The following STPG2 variants were observed in gnomAD, a reference collection of about 807,000 sequenced individuals.
STPG2 encodes the protein sperm-tail PG-rich repeat-containing protein 2.
Under a neutral mutation model 54.2 loss-of-function variants are expected in STPG2, and 56 were observed. That is an observed-to-expected ratio of 1.03 (90% CI 0.83 to 1.29). STPG2 has a LOEUF of 1.29. Ranked by LOEUF, STPG2 falls within the 50% of genes most tolerant of loss-of-function variation. STPG2 has a pLI of 0.00. For missense variants in STPG2, 596 were observed against 544.9 expected (o/e 1.09, Z -0.93); for synonymous variants, 200 against 181.8 (o/e 1.10, Z -0.81).
intron 4 of STPG2, among the ~76,000 whole-genome samples, chr4:97,521,127 C>A (rs548826103): frequency 6.6e-6 from 1 of 152,012 alleles, no homozygotes. Context: ...CAGTATATTG[C>A]AAAGAATAAA....
chr4:98,020,160 T>C (rs1274534375), intron 5 of STPG2, among the ~76,000 whole-genome samples: 2 of 132,224 alleles, frequency 1.5e-5, no homozygotes, highest in East Asian at 2.1e-4. Flanking sequence ...GGGTTTGTCA[T>C]AGATAGCTCT....
intron 10 of STPG2, among the ~76,000 whole-genome samples, chr4:97,677,717 T>A (rs1722893114): frequency 6.6e-6 from 1 of 152,226 alleles, no homozygotes; most frequent in Non-Finnish European, 1.5e-5. Flanking sequence ...ACAACCATCT[T>A]GAACCGGAAG....
At chr4:98,138,221 T>A (rs1740186389) in intron 1 of STPG2, among the ~76,000 whole-genome samples, 1 of 152,012 alleles carries the variant, frequency 6.6e-6, no homozygotes, top group Non-Finnish European at 1.5e-5. Context: ...TCACTGCCAA[T>A]AATTAAAGTA....
At chr4:97,970,023 A>G (rs569830370) in intron 7 of STPG2, among the ~76,000 whole-genome samples, 1 of 152,286 alleles carries the variant, frequency 6.6e-6, no homozygotes, top group South Asian at 2.1e-4. Context: ...TAACAGACAA[A>G]CAGAGAGCCC....
intron 4 of STPG2, among the ~76,000 whole-genome samples, chr4:97,540,199 A>G (rs1560650962): frequency 6.6e-6 from 1 of 152,184 alleles, no homozygotes; most frequent in Non-Finnish European, 1.5e-5. Context: ...GGTTTTTTGA[A>G]AAGATCCACA....
chr4:97,644,331 G>A (rs1351158103), intron 10 of STPG2, among the ~76,000 whole-genome samples: 2 of 151,898 alleles, frequency 1.3e-5, no homozygotes, highest in Non-Finnish European at 2.9e-5. Context: ...AACACAAATT[G>A]TTACAAGAAC....
intron 10 of STPG2, among the ~76,000 whole-genome samples, chr4:97,634,978 A>G: frequency 6.6e-6 from 1 of 152,188 alleles, no homozygotes; most frequent in East Asian, 1.9e-4. Flanking sequence ...CAGATTCAGG[A>G]AATACAGAGA....
chr4:97,472,301 A>C (rs912808441), intron 4 of STPG2, among the ~76,000 whole-genome samples: 2 of 152,228 alleles, frequency 1.3e-5, no homozygotes, highest in African/African-American at 4.8e-5. Flanking sequence ...GACAAGTTTA[A>C]GAGATAAAAA....
Position 98,059,508 on chromosome 4 carries a change from T to G in STPG2, c.612+46445A>C, listed in dbSNP as rs370020478. On this transcript the variant is annotated intron_variant, in intron 5 of 10. Coordinates refer to ENST00000295268, the MANE Select transcript of STPG2 (RefSeq NM_174952.3). ...GAGTTGGTACGATTCCTATAGAAACTATTCCCAAATATTGAGGAAAGACTC... is the reference window on the plus strand; with the variant it reads ...GAGTTGGTACGATTCCTATAGAAACGATTCCCAAATATTGAGGAAAGACTC... Among the ~76,000 whole-genome samples the G allele has an allele frequency of 1.1e-4, 16 of 152,072 alleles. 1 individual carries two copies. Among genetic ancestry groups the G allele is most frequent in the African/African-American group, 3.9e-4 (16 of 41,498 alleles).
At chr4:97,563,151 T>G (rs1732308713) in intron 10 of STPG2, among the ~76,000 whole-genome samples, 1 of 152,192 alleles carries the variant, frequency 6.6e-6, no homozygotes, top group Admixed American at 6.5e-5. Context: ...AGAGGCAACT[T>G]CTTCCTGATT....
chr4:97,681,977 C>A (rs1314115771), intron 10 of STPG2, among the ~76,000 whole-genome samples: 5 of 151,658 alleles, frequency 3.3e-5, no homozygotes, highest in Admixed American at 1.3e-4. Context: ...TACAATTGTT[C>A]TAAATGATTA....
intron 9 of STPG2, among the ~76,000 whole-genome samples, chr4:97,714,303 T>C (rs1368402341): frequency 6.6e-6 from 1 of 152,168 alleles, no homozygotes; most frequent in Non-Finnish European, 1.5e-5. Flanking sequence ...ATAGGACATT[T>C]CAAAATTTAA....
chr4:97,955,346 C>G (rs1733637365), intron 7 of STPG2, among the ~76,000 whole-genome samples: 1 of 151,974 alleles, frequency 6.6e-6, no homozygotes, highest in Non-Finnish European at 1.5e-5. Context: ...TCCTGAGCAG[C>G]TGAAACTACA....
At chr4:97,747,106 A>C (rs546803835) in intron 9 of STPG2, among the ~76,000 whole-genome samples, 1 of 151,420 alleles carries the variant, frequency 6.6e-6, no homozygotes, top group East Asian at 1.9e-4. Flanking sequence ...CCTTAGCTGT[A>C]AGAAAGGATG....
chr4:97,480,828 T>C (rs1023833590), intron 4 of STPG2, among the ~76,000 whole-genome samples: 2 of 151,604 alleles, frequency 1.3e-5, no homozygotes, highest in East Asian at 3.9e-4. Context: ...CTGAATAAAC[T>C]ATATGTTTTT....
At chr4:97,943,435 AT>A (rs2149231746) in intron 8 of STPG2, among the ~76,000 whole-genome samples, 1 of 152,342 alleles carries the variant, frequency 6.6e-6, no homozygotes, top group South Asian at 2.1e-4. Context: ...ACTACTAGGT[AT>A]TTATTTTAAA....
chr4:97,937,678 C>A (rs924903733), intron 8 of STPG2, among the ~76,000 whole-genome samples: 1 of 152,142 alleles, frequency 6.6e-6, no homozygotes, highest in Non-Finnish European at 1.5e-5. Context: ...TCACTTAAGG[C>A]TCTATTCATC....
At chr4:97,460,792 C>A (rs1729643746) in intron 4 of STPG2, among the ~76,000 whole-genome samples, 1 of 152,174 alleles carries the variant, frequency 6.6e-6, no homozygotes, top group Non-Finnish European at 1.5e-5. Flanking sequence ...CTGCAATAGC[C>A]ACAAGAAACT....
At chr4:97,452,145 A>G (rs921056293) in intron 4 of STPG2, among the ~76,000 whole-genome samples, 1 of 22,450 alleles carries the variant, frequency 4.5e-5, no homozygotes, top group African/African-American at 1.9e-4. Context: ...CGCCCCCAGC[A>G]CAGCTGCAGC....
Sources: gnomAD v4.1 joint callset for allele counts (sites outside exome capture counted in the v4.1 genomes callset) on GRCh38, gnomAD v4.1.1 for gene constraint, MANE v1.5 for transcripts, NCBI Gene and HGNC (gene_info 2026-07-23, HGNC 2026-07-21) for gene names.